Variants in TRMO observed in about 807,000 individuals in gnomAD.
The protein encoded by TRMO is tRNA methyltransferase O.
In TRMO, 30 loss-of-function variants were observed where a neutral mutation model predicts 37.2. The ratio of observed to expected loss-of-function variants is 0.81; its 90% confidence interval spans 0.60 to 1.09. The LOEUF is 1.09. Ranked by LOEUF, TRMO falls within the 50% of genes least tolerant of loss-of-function variation. The pLI is 0.00. For missense variants in TRMO, 552 were observed against 549.5 expected (o/e 1.00, Z -0.05); for synonymous variants, 239 against 199.4 (o/e 1.20, Z -1.67).
At chr9:97,910,943 T>C in intron 3 of TRMO, 2 of 516,732 alleles carry the variant, frequency 3.9e-6, no homozygotes, top group South Asian at 1.5e-5. Flanking sequence ...TTCCCCACGG[T>C]AGGGTAGTGA....
downstream of TRMO, among the ~76,000 whole-genome samples, chr9:97,899,495 G>C (rs1465935133): frequency 6.6e-6 from 1 of 151,868 alleles, no homozygotes; most frequent in Non-Finnish European, 1.5e-5. Flanking sequence ...CTGGAGTGCA[G>C]TGGCACAATC....
chr9:97,918,304 G>A (rs974931618), intron 1 of TRMO, among the ~76,000 whole-genome samples: 1 of 150,576 alleles, frequency 6.6e-6, no homozygotes, highest in Non-Finnish European at 1.5e-5. Flanking sequence ...GTCAGGAGAA[G>A]CACTTGACCC....
chr9:97,913,421 G>A lies in TRMO; in HGVS notation c.389C>T (p.Ala130Val), dbSNP rs1826217667. 1 of 1,613,890 alleles carries A rather than the reference G, an allele frequency of 6.2e-7. No individual in the cohort carries two copies. The highest frequency in any genetic ancestry group is 8.5e-7 in the Non-Finnish European group (1 of 1,179,920). Residue 130 changes from alanine (A) to valine (V), a missense_variant, in exon 3 of 5, where the codon GCC (alanine) becomes GTC (valine). Transcript: ENST00000375119. ...GTTACCTTCTACCTTTTCCAGCTTG[G>A]CCAGGGTCAGTCCTATTGCATTGGG... ...HRPNAIGLTL[A>V]KLEKVEGGAI...
At chr9:97,921,841 G>A (rs190165224) in intron 1 of TRMO, among the ~76,000 whole-genome samples, 2 of 152,244 alleles carry the variant, frequency 1.3e-5, no homozygotes, top group Admixed American at 1.3e-4. Context: ...AGAAACAAGC[G>A]TGGAAGGTAG....
intron 4 of TRMO, among the ~76,000 whole-genome samples, chr9:97,906,083 GGGAGGT>G (rs1356250214): frequency 6.6e-6 from 1 of 151,820 alleles, no homozygotes; most frequent in Admixed American, 6.6e-5. Context: ...ACTTGAACCC[GGGAGGT>G]GGAGGTTGCA....
chr9:97,908,169 T>C (rs948088005), intron 4 of TRMO, among the ~76,000 whole-genome samples: 1 of 151,948 alleles, frequency 6.6e-6, no homozygotes, highest in Non-Finnish European at 1.5e-5. Context: ...TCTGGACACT[T>C]TGGGAGGCCA....
In TRMO at chr9:97,913,408, C is replaced by T. The variant is rs769631848; in HGVS notation, c.402G>A (p.Lys134=). Residue 134 remains lysine (K), a synonymous_variant, in exon 3 of 5, where the codon AAG becomes AAA. Transcript: ENST00000375119. ...AIGLTLAKLE[K]VEGGAIYLSG... ...AGAAATGAAATGGGTTACCTTCTAC[C>T]TTTTCCAGCTTGGCCAGGGTCAGTC... The T allele has an allele frequency of 4.3e-6, 7 of 1,613,850 alleles. No individual in the cohort carries two copies. In the East Asian group the frequency reaches 1.6e-4, roughly 36 times the overall value.
the TRMO span, among the ~76,000 whole-genome samples, chr9:97,899,028 C>T: frequency 1.3e-5 from 2 of 151,330 alleles, no homozygotes; most frequent in African/African-American, 2.4e-5. Flanking sequence ...TTAGTAGAGA[C>T]GGGGTTTCAC....
At chr9:97,908,388 G>C (rs1587831729) in intron 4 of TRMO, among the ~76,000 whole-genome samples, 1 of 149,528 alleles carries the variant, frequency 6.7e-6, no homozygotes, top group Non-Finnish European at 1.5e-5. Context: ...CTCCAGCCTG[G>C]GCGACAGAGC....
At chr9:97,906,627 T>A (rs1258742028) in intron 4 of TRMO, among the ~76,000 whole-genome samples, 1 of 152,192 alleles carries the variant, frequency 6.6e-6, no homozygotes. Context: ...ATCATTTTTT[T>A]AATCAGTAAG....
downstream of TRMO, among the ~76,000 whole-genome samples, chr9:97,901,236 AC>A (rs1831162958): frequency 8.8e-6 from 1 of 114,124 alleles, no homozygotes; most frequent in African/African-American, 4.3e-5. Flanking sequence ...GGTGCCATTT[AC>A]GCCTAGTAGA....
chr9:97,901,208 A>C (rs1831162299), downstream of TRMO, among the ~76,000 whole-genome samples: 1 of 152,008 alleles, frequency 6.6e-6, no homozygotes, highest in South Asian at 2.1e-4. Context: ...CAAAAAGCAA[A>C]GGCTAAAAAT....
At chr9:97,922,186 C>A (rs1157410967) in intron 1 of TRMO, among the ~76,000 whole-genome samples, 1 of 152,224 alleles carries the variant, frequency 6.6e-6, no homozygotes, top group African/African-American at 2.4e-5. Flanking sequence ...TGAGCCAAGA[C>A]TACGCAGACA....
rs771554798 is a variant in TRMO, at chr9:97,904,852, T to C, written c.1207A>G (p.Ile403Val). The C allele has an allele frequency of 3.0e-5, 48 of 1,614,116 alleles. No individual in the cohort carries two copies. Among genetic ancestry groups the C allele is most frequent in the Non-Finnish European group, 3.6e-5 (43 of 1,180,050 alleles). ...CCAAACCAGCAAGTGACATGCGCTA[T>C]GTCTACAGTAAAGTAGAAAAGGCGG... ...QDRLFYFTVD[I>V]AHVTCWFGDG... Residue 403 changes from isoleucine (I) to valine (V), a missense_variant, in exon 5 of 5, where the codon ATA (isoleucine) becomes GTA (valine). Coordinates refer to ENST00000375119, the MANE Select transcript of TRMO (RefSeq NM_016481.5).
At chr9:97,906,157 C>CAA (rs34793206) in intron 4 of TRMO, among the ~76,000 whole-genome samples, 2 of 133,482 alleles carry the variant, frequency 1.5e-5, no homozygotes, top group African/African-American at 5.5e-5. Flanking sequence ...GACTGTATCT[C>CAA]AAAAAAAAAA....
rs761934372 is a variant in TRMO at position 97,916,154 on chromosome 9, A to C, written c.251+10T>G. On this transcript the variant is annotated intron_variant, in intron 2 of 4. Transcript: ENST00000375119. ...CCCAAAATCCTACATCTAACTATAA[A>C]GCAACTTACCAAACATGAGAAAACT... The C allele has an allele frequency of 1.3e-6, 2 of 1,577,496 alleles. No individual in the cohort carries two copies. The highest frequency in any genetic ancestry group is 2.7e-5 in the African/African-American group (2 of 73,030).
At position 97,922,280 on chromosome 9, in the gene TRMO, G is replaced by C. The variant is rs996487406; in HGVS notation, c.76+138C>G. On this transcript the variant is annotated intron_variant, in intron 1 of 4. Transcript: ENST00000375119. Reference sequence around the variant, plus strand: ...ACATCACGTGGTCTCCGCAGCACGTGACCCGTGCCTTCGCCGTAGGTAAAA... The same window carrying C: ...ACATCACGTGGTCTCCGCAGCACGTCACCCGTGCCTTCGCCGTAGGTAAAA... 21 of 646,318 alleles carry C rather than the reference G, an allele frequency of 3.2e-5. 1 individual carries two copies. Among genetic ancestry groups the C allele is most frequent in the Middle Eastern group, 5.0e-4 (2 of 3,970 alleles). 40.0% of individuals were successfully genotyped at this position (646,318 alleles called of 1,614,324 possible). A position where few individuals can be genotyped will look rare whatever the true frequency, so the allele number is the denominator to read the frequency against.
the TRMO span, among the ~76,000 whole-genome samples, chr9:97,899,176 T>C: frequency 8.5e-3 from 1,284 of 151,860 alleles, 22 homozygotes; most frequent in African/African-American, 0.03. Flanking sequence ...TTTCCTGCAA[T>C]ACCAGGGCTA....
chr9:97,915,915 C>T (rs938095247), intron 2 of TRMO: 2 of 311,972 alleles, frequency 6.4e-6, no homozygotes, highest in Non-Finnish European at 1.2e-5. Flanking sequence ...GTGGCATACA[C>T]CTGCGGTCCC....
Sources: allele counts gnomAD v4.1 joint callset (sites outside exome capture counted in the v4.1 genomes callset), GRCh38; gene constraint gnomAD v4.1.1; transcripts MANE v1.5; gene names NCBI Gene and HGNC (gene_info 2026-07-23, HGNC 2026-07-21).